Variants in PLSCR2 observed in about 807,000 individuals in gnomAD.
PLSCR2 encodes the protein phospholipid scramblase 2, also known as PL scramblase 2.
Under a neutral mutation model 25.3 loss-of-function variants are expected in PLSCR2, and 18 were observed. The observed-to-expected ratio is 0.71, with a 90% confidence interval of 0.49 to 1.06. The LOEUF is 1.06. PLSCR2 is among the 50% of genes least tolerant of loss of function. The probability of loss-of-function intolerance (pLI) is 0.00; values close to 1 mark genes in which losing one functional copy is unlikely to be tolerated. For synonymous variants in PLSCR2, 88 were observed against 87.3 expected (o/e 1.01, Z -0.04); for missense variants, 243 against 269.5 (o/e 0.90, Z 0.69).
chr3:146,459,257 C>T (rs1399681199), intron 2 of PLSCR2, among the ~76,000 whole-genome samples: 1 of 151,986 alleles, frequency 6.6e-6, no homozygotes, highest in East Asian at 1.9e-4. Flanking sequence ...AAAAATGAGT[C>T]AAATCCCACA....
intron 5 of PLSCR2, 41 bp from the exon 6 acceptor site, chr3:146,449,408 A>G: frequency 4.3e-6 from 6 of 1,399,298 alleles, no homozygotes; most frequent in Non-Finnish European, 5.9e-6. Context: ...ATTTCTAGAA[A>G]ACTTATAGCA....
At chr3:146,486,383 T>TG (rs200558975) in intron 1 of PLSCR2, among the ~76,000 whole-genome samples, 5 of 62,066 alleles carry the variant, frequency 8.1e-5, no homozygotes, top group Admixed American at 1.6e-4. Flanking sequence ...ATCCAGGAGC[T>TG]TTTTTTTTTT....
intron 2 of PLSCR2, among the ~76,000 whole-genome samples, chr3:146,407,726 G>A (rs2038700897): frequency 2.6e-5 from 4 of 152,140 alleles, no homozygotes. Context: ...CCTCATCGGA[G>A]AGCCTGAGTG....
At chr3:146,419,071 C>A (rs2039068205) in intron 2 of PLSCR2, among the ~76,000 whole-genome samples, 1 of 152,068 alleles carries the variant, frequency 6.6e-6, no homozygotes, top group Non-Finnish European at 1.5e-5. Context: ...ATCATCAAGT[C>A]CTGATTCCTT....
intron 2 of PLSCR2, among the ~76,000 whole-genome samples, chr3:146,459,388 G>A (rs1576678032): frequency 6.6e-6 from 1 of 152,168 alleles, no homozygotes; most frequent in Non-Finnish European, 1.5e-5. Flanking sequence ...TCCAGAATCA[G>A]GGTGGTGATG....
intron 3 of PLSCR2, among the ~76,000 whole-genome samples, chr3:146,392,293 G>C (rs546109788): frequency 6.6e-6 from 1 of 151,940 alleles, no homozygotes; most frequent in South Asian, 2.1e-4. Context: ...TCCTCTAAAG[G>C]TTGTACCTAT....
chr3:146,458,544 TCA>T (rs1236325843), intron 2 of PLSCR2, 91 bp from the exon 3 acceptor site: 2 of 868,186 alleles, frequency 2.3e-6, no homozygotes, highest in African/African-American at 1.8e-5. Context: ...CTGCATATAA[TCA>T]GTTATCGACA....
At chr3:146,478,468 C>T (rs1014601666) in intron 1 of PLSCR2, among the ~76,000 whole-genome samples, 5 of 151,752 alleles carry the variant, frequency 3.3e-5, no homozygotes, top group Admixed American at 1.3e-4. Flanking sequence ...GTAGCTGATT[C>T]GATCAAGTGG....
intron 6 of PLSCR2, among the ~76,000 whole-genome samples, 186 bp downstream of exon 6, chr3:146,449,020 T>C (rs2040732270): frequency 6.6e-6 from 1 of 152,184 alleles, no homozygotes; most frequent in African/African-American, 2.4e-5. Flanking sequence ...TCTTCAGACA[T>C]AAACTAACCA....
intron 1 of PLSCR2, among the ~76,000 whole-genome samples, chr3:146,468,270 T>C (rs994320348): frequency 6.6e-6 from 1 of 152,208 alleles, no homozygotes; most frequent in Non-Finnish European, 1.5e-5. Context: ...AACCCTTCTA[T>C]TGTAAACATC....
chr3:146,415,928 A>C (rs2038993511), intron 2 of PLSCR2, among the ~76,000 whole-genome samples: 1 of 152,134 alleles, frequency 6.6e-6, no homozygotes, highest in Non-Finnish European at 1.5e-5. Context: ...CTATTTTAAA[A>C]GTAGGCATTT....
rs796600511 is a variant in PLSCR2, at chr3:146,469,839, C to T, written c.-292-9555G>A. 7.9e-5 allele frequency among the ~76,000 whole-genome samples: 12 copies of T among 152,008 alleles called. 1 individual carries two copies. The highest frequency in any genetic ancestry group is 2.9e-4 in the African/African-American group (12 of 41,462). On this transcript the variant is annotated intron_variant, in intron 1 of 8. Transcript: ENST00000336685. ...CCCAGCCCGTCCCGTCTCCCTCTCCCCATCCCCGTCCCCTTTTTTGCTCTT... is the reference window on the plus strand; with the variant it reads ...CCCAGCCCGTCCCGTCTCCCTCTCCTCATCCCCGTCCCCTTTTTTGCTCTT...
intron 2 of PLSCR2, among the ~76,000 whole-genome samples, chr3:146,413,299 A>T (rs1401024188): frequency 6.6e-6 from 1 of 151,878 alleles, no homozygotes; most frequent in Non-Finnish European, 1.5e-5. Flanking sequence ...TCCTTAGTAA[A>T]CCACTGCTTG....
chr3:146,392,992 G>A (rs1221311226), intron 3 of PLSCR2, among the ~76,000 whole-genome samples: 3 of 143,952 alleles, frequency 2.1e-5, no homozygotes, highest in African/African-American at 7.6e-5. Context: ...TTTTTGTTAC[G>A]GCTTTTTAAA....
intron 1 of PLSCR2, among the ~76,000 whole-genome samples, chr3:146,468,800 T>G (rs2041979259): frequency 6.9e-6 from 1 of 144,918 alleles, no homozygotes. Context: ...TATGTTCCTA[T>G]TTCGTTGAAA....
chr3:146,458,278 G>T, intron 3 of PLSCR2, 133 bp downstream of exon 3: 1 of 717,036 alleles, frequency 1.4e-6, no homozygotes, highest in Non-Finnish European at 2.1e-6. Context: ...TTATTGTAAA[G>T]ACAGACATTC....
rs1221255634 is a variant in PLSCR2 at position 146,452,429 on chromosome 3, C to T, written c.483+1573G>A. On this transcript the variant is annotated intron_variant, in intron 5 of 6. Transcript: ENST00000610787. ...GCAAATAGGCCACTAGCACATAGAA[C>T]CTAGGTAAACATCAAAAGAATATAT... is the stretch of plus-strand genomic sequence containing the variant. Among the ~76,000 whole-genome samples, 4 of 151,982 alleles carry T rather than the reference C, an allele frequency of 2.6e-5. No individual in the cohort carries two copies. In the East Asian group the frequency reaches 7.7e-4, roughly 29 times the overall value.
chr3:146,451,592 C>T (rs1322220305), intron 5 of PLSCR2, among the ~76,000 whole-genome samples: 1 of 152,152 alleles, frequency 6.6e-6, no homozygotes, highest in African/African-American at 2.4e-5. Context: ...ACTAAGATGA[C>T]TGGTGGTTGG....
chr3:146,398,892 T>A (rs1385332141), intron 2 of PLSCR2: 1 of 152,266 alleles, frequency 6.6e-6, no homozygotes, highest in African/African-American at 2.4e-5. Flanking sequence ...CTTTATTTAG[T>A]TCTGTACTAC....
Sources: allele counts gnomAD v4.1 joint callset (sites outside exome capture counted in the v4.1 genomes callset), GRCh38; gene constraint gnomAD v4.1.1; transcripts MANE v1.5; gene names NCBI Gene and HGNC (gene_info 2026-07-23, HGNC 2026-07-21).